Variants in NALF1 observed in about 807,000 individuals in gnomAD.
NALF1 encodes the protein NALCN channel auxiliary factor 1, also known as family with sequence similarity 155 member A.
NALF1 carries 3 observed loss-of-function variants against 48.4 expected under a neutral mutation model. That is an observed-to-expected ratio of 0.06 (90% confidence interval 0.03 to 0.16). The LOEUF (loss-of-function observed/expected upper bound fraction) is 0.16. Among genes scored for constraint, NALF1 ranks in the 10% least tolerant of loss-of-function variants. The probability of loss-of-function intolerance (pLI) is 1.00; values close to 1 mark genes in which losing one functional copy is unlikely to be tolerated. For synonymous variants in NALF1, 262 were observed against 245.7 expected (o/e 1.07, Z -0.62); for missense variants, 526 against 571.5 (o/e 0.92, Z 0.81).
chr13:107,214,424 C>A (rs1168195215), intron 1 of NALF1, among the ~76,000 whole-genome samples: 2 of 152,038 alleles, frequency 1.3e-5, no homozygotes, highest in Admixed American at 6.6e-5. Context: ...AGGTAAATTG[C>A]TTTTCTATGT....
At chr13:107,651,564 T>C (rs1483302451) in intron 1 of NALF1, among the ~76,000 whole-genome samples, 1 of 152,188 alleles carries the variant, frequency 6.6e-6, no homozygotes, top group Non-Finnish European at 1.5e-5. Context: ...ATGTATTAAA[T>C]GAATATTTTA....
At chr13:107,772,788 A>C (rs1161665515) in intron 1 of NALF1, among the ~76,000 whole-genome samples, 1 of 152,172 alleles carries the variant, frequency 6.6e-6, no homozygotes, top group Non-Finnish European at 1.5e-5. Flanking sequence ...TTAGGTTCCT[A>C]TGTGAGAGAA....
intron 1 of NALF1, among the ~76,000 whole-genome samples, chr13:107,817,647 A>G (rs3858807): frequency 0.64 from 97,632 of 151,998 alleles, 31,629 homozygotes; most frequent in African/African-American, 0.71. Flanking sequence ...TTTATCACCA[A>G]ATATAAAGGA....
chr13:107,283,170 G>T (rs1291680299), intron 1 of NALF1, among the ~76,000 whole-genome samples: 1 of 152,144 alleles, frequency 6.6e-6, no homozygotes, highest in Non-Finnish European at 1.5e-5. Context: ...GAATTGTCTG[G>T]CTGGCTGTAT....
At chr13:107,750,302 G>T (rs926707870) in intron 1 of NALF1, among the ~76,000 whole-genome samples, 2 of 152,134 alleles carry the variant, frequency 1.3e-5, no homozygotes, top group African/African-American at 4.8e-5. Flanking sequence ...TCTTCAAGCT[G>T]TCAAAGCGAG....
intron 1 of NALF1, among the ~76,000 whole-genome samples, chr13:107,252,320 G>A (rs548595014): frequency 2.0e-5 from 3 of 152,054 alleles, no homozygotes; most frequent in African/African-American, 7.2e-5. Context: ...GGCTCACAAC[G>A]TGGAGAGTTG....
At chr13:107,269,885 T>C (rs973748511) in intron 1 of NALF1, among the ~76,000 whole-genome samples, 1 of 149,876 alleles carries the variant, frequency 6.7e-6, no homozygotes, top group Non-Finnish European at 1.5e-5. Context: ...TAGCTGGGAC[T>C]ACAGGTGCCC....
intron 1 of NALF1, among the ~76,000 whole-genome samples, chr13:107,697,066 G>C (rs1394405536): frequency 6.6e-6 from 1 of 151,954 alleles, no homozygotes. Context: ...AAAAAACAAA[G>C]AATTTGCTAT....
rs146072880 is a variant in NALF1 at position 107,494,049 on chromosome 13, A to G, written c.916-283294T>C. Among the ~76,000 whole-genome samples, 17 of 138,554 alleles carry G rather than the reference A, an allele frequency of 1.2e-4. No individual in the cohort carries two copies. The East Asian group carries it at 3.3e-3, about 27-fold the overall frequency. 90.9% of individuals were successfully genotyped at this position (138,554 alleles called of 152,430 possible). ...TAATGATTTGATTTCAGTACACTAA[A>G]ATTTATTTCTACTTCATAAATGTGG... On this transcript the variant is annotated intron_variant, in intron 1 of 2. Coordinates refer to ENST00000375915, the MANE Select transcript of NALF1 (RefSeq NM_001080396.3).
At chr13:107,493,719 A>T (rs983259150) in intron 1 of NALF1, among the ~76,000 whole-genome samples, 1 of 152,144 alleles carries the variant, frequency 6.6e-6, no homozygotes, top group South Asian at 2.1e-4. Flanking sequence ...TGTAAAAAAA[A>T]TAAAAACAAA....
chr13:107,325,932 TACAA>T (rs2138918914), intron 1 of NALF1, among the ~76,000 whole-genome samples: 5 of 138,894 alleles, frequency 3.6e-5, no homozygotes, highest in South Asian at 4.7e-4. Context: ...CACACATATA[TACAA>T]CACACATATA....
chr13:107,306,482 A>C (rs984462031), intron 1 of NALF1, among the ~76,000 whole-genome samples: 1 of 152,192 alleles, frequency 6.6e-6, no homozygotes, highest in Non-Finnish European at 1.5e-5. Flanking sequence ...AATGATTTGC[A>C]AACAGGGTTG....
intron 1 of NALF1, among the ~76,000 whole-genome samples, chr13:107,659,764 C>T (rs1341144480): frequency 1.3e-5 from 2 of 151,848 alleles, no homozygotes; most frequent in Non-Finnish European, 2.9e-5. Flanking sequence ...GGCTATAAAC[C>T]AATTACAGGT....
chr13:107,257,104 G>C (rs1880831666), intron 1 of NALF1, among the ~76,000 whole-genome samples: 1 of 152,052 alleles, frequency 6.6e-6, no homozygotes, highest in Admixed American at 6.6e-5. Context: ...GAGACAGAAG[G>C]GGGAAGAACC....
intron 1 of NALF1, among the ~76,000 whole-genome samples, chr13:107,781,256 T>C (rs1374264903): frequency 6.6e-6 from 1 of 152,230 alleles, no homozygotes; most frequent in Admixed American, 6.5e-5. Flanking sequence ...TTTAATTTAA[T>C]AAATCTTTAA....
chr13:107,280,164 TA>T (rs1402829922), intron 1 of NALF1, among the ~76,000 whole-genome samples: 5 of 152,212 alleles, frequency 3.3e-5, no homozygotes. Context: ...ATCAATACTG[TA>T]CTTTTTATGT....
intron 1 of NALF1, among the ~76,000 whole-genome samples, chr13:107,408,391 C>A (rs1056381335): frequency 6.6e-6 from 1 of 151,898 alleles, no homozygotes; most frequent in African/African-American, 2.4e-5. Flanking sequence ...TCATGTAACC[C>A]ATAAATATAT....
intron 1 of NALF1, among the ~76,000 whole-genome samples, chr13:107,525,774 T>C (rs2139101425): frequency 6.6e-6 from 1 of 152,258 alleles, no homozygotes; most frequent in South Asian, 2.1e-4. Context: ...GCTCTGCACA[T>C]TTACCAGCCC....
intron 1 of NALF1, among the ~76,000 whole-genome samples, chr13:107,541,590 T>C (rs1218921731): frequency 1.3e-5 from 2 of 152,126 alleles, no homozygotes; most frequent in African/African-American, 4.8e-5. Context: ...TTTAAATGCA[T>C]ATAGCTTTAT....
Sources: allele counts gnomAD v4.1 joint callset (sites outside exome capture counted in the v4.1 genomes callset), GRCh38; gene constraint gnomAD v4.1.1; transcripts MANE v1.5; gene names NCBI Gene and HGNC (gene_info 2026-07-23, HGNC 2026-07-21).